NTN1: variants seen among roughly 807,000 people sequenced by gnomAD.
The protein encoded by NTN1 is netrin-1.
In NTN1, 11 loss-of-function variants were observed where a neutral mutation model predicts 54.2. That is an observed-to-expected ratio of 0.20 (90% CI 0.13 to 0.34). The LOEUF (loss-of-function observed/expected upper bound fraction) is 0.34, where lower values mean the gene tolerates loss of function less well. Among genes scored for constraint, NTN1 ranks in the 10% least tolerant of loss-of-function variants. The probability of loss-of-function intolerance (pLI) is 1.00; values close to 1 mark genes in which losing one functional copy is unlikely to be tolerated. For missense variants in NTN1, 740 were observed against 893.1 expected (o/e 0.83, Z 2.18); for synonymous variants, 371 against 382.0 (o/e 0.97, Z 0.33).
rs535291004 is a variant in NTN1, at chr17:9,224,644, T to C, written c.1486+3402T>C. ...CTTGAGTTTTTCCTTCCCATCACAATTCCTCCAGAGAGCTGCGGGCCAGCC... is the reference window on the plus strand; with the variant it reads ...CTTGAGTTTTTCCTTCCCATCACAACTCCTCCAGAGAGCTGCGGGCCAGCC... On this transcript the variant is annotated intron_variant, in intron 6 of 6. Coordinates refer to ENST00000173229, the MANE Select transcript of NTN1 (RefSeq NM_004822.3). 9.1e-3 allele frequency among the ~76,000 whole-genome samples: 1,393 copies of C among 152,270 alleles called. 18 individuals carry two copies. Among genetic ancestry groups the C allele is most frequent in the African/African-American group, 0.032 (1,311 of 41,558 alleles).
chr17:9,160,234 G>A (rs1376800162), intron 2 of NTN1, among the ~76,000 whole-genome samples: 2 of 152,166 alleles, frequency 1.3e-5, no homozygotes, highest in Non-Finnish European at 2.9e-5. Flanking sequence ...CTTCCGAGTT[G>A]TTGGGATTAC....
At chr17:9,132,572 A>G (rs1597499901) in intron 2 of NTN1, among the ~76,000 whole-genome samples, 1 of 152,298 alleles carries the variant, frequency 6.6e-6, no homozygotes, top group Middle Eastern at 3.4e-3. Flanking sequence ...ATAAATCAGC[A>G]AGGAAAAGAA....
intron 2 of NTN1, among the ~76,000 whole-genome samples, chr17:9,029,380 G>A (rs966153379): frequency 1.3e-5 from 2 of 152,194 alleles, no homozygotes; most frequent in African/African-American, 4.8e-5. Context: ...TGCAGGGCAC[G>A]TCTCGGCTTA....
intron 3 of NTN1, among the ~76,000 whole-genome samples, chr17:9,169,858 C>G (rs910967277): frequency 1.3e-5 from 2 of 152,156 alleles, no homozygotes; most frequent in African/African-American, 4.8e-5. Context: ...GGGCGAGACT[C>G]CGTCTCAAAG....
At chr17:9,017,157 TA>T (rs2151504527), upstream of NTN1, among the ~76,000 whole-genome samples, 1 of 152,092 alleles carries the variant, frequency 6.6e-6, no homozygotes, top group South Asian at 2.1e-4. Context: ...CAAATAGCCT[TA>T]TCTTACAAAC....
intron 2 of NTN1, among the ~76,000 whole-genome samples, chr17:9,063,238 A>C (rs1325205843): frequency 6.6e-6 from 1 of 151,948 alleles, no homozygotes; most frequent in Non-Finnish European, 1.5e-5. Context: ...CTGGGATTAC[A>C]GGTACTGGCC....
At chr17:9,208,091 G>A (rs1166661315) in intron 5 of NTN1, among the ~76,000 whole-genome samples, 5 of 152,146 alleles carry the variant, frequency 3.3e-5, no homozygotes, top group Non-Finnish European at 7.3e-5. Flanking sequence ...AATTAGCCAG[G>A]CGTAGTGGTG....
At chr17:9,099,014 A>C (rs1324318976) in intron 2 of NTN1, among the ~76,000 whole-genome samples, 1 of 152,202 alleles carries the variant, frequency 6.6e-6, no homozygotes, top group Non-Finnish European at 1.5e-5. Context: ...AATGAAATGG[A>C]AGTATGCTTT....
intron 2 of NTN1, among the ~76,000 whole-genome samples, chr17:9,026,207 G>T (rs573156273): frequency 3.9e-5 from 6 of 151,968 alleles, no homozygotes; most frequent in Admixed American, 2.0e-4. Flanking sequence ...ATTATCATTT[G>T]ACTGAACAGT....
At chr17:9,225,306 C>A (rs1026746485) in intron 6 of NTN1, among the ~76,000 whole-genome samples, 1 of 151,972 alleles carries the variant, frequency 6.6e-6, no homozygotes, top group Non-Finnish European at 1.5e-5. Context: ...CTCAGCTCAG[C>A]CTGTGTGTTC....
chr17:9,236,942 G>A (rs893735663), intron 6 of NTN1, among the ~76,000 whole-genome samples: 1 of 152,154 alleles, frequency 6.6e-6, no homozygotes, highest in East Asian at 1.9e-4. Context: ...ACCCCAGGGA[G>A]TGAGAAGGCC....
rs1251769807 is a variant in NTN1, at chr17:9,211,915, C to T, written c.1412-9253C>T. On this transcript the variant is annotated intron_variant, in intron 5 of 6. Transcript: ENST00000173229. This position sits in a 1 kb window ranked among gnomAD's most constrained non-coding sequence, Gnocchi z 4.4. ...AAGAGTTCTTTATATGTGAAAGACACCAGTCCTTGGCTTCCTGTGTTACAA... is the reference window on the plus strand; with the variant it reads ...AAGAGTTCTTTATATGTGAAAGACATCAGTCCTTGGCTTCCTGTGTTACAA... Among the ~76,000 whole-genome samples, 1 of 152,176 alleles carries T rather than the reference C, an allele frequency of 6.6e-6. No individual in the cohort carries two copies. Among genetic ancestry groups the T allele is most frequent in the Non-Finnish European group, 1.5e-5 (1 of 68,030 alleles).
intron 2 of NTN1, among the ~76,000 whole-genome samples, chr17:9,088,939 C>G (rs1478434861): frequency 6.6e-6 from 1 of 152,132 alleles, no homozygotes; most frequent in Non-Finnish European, 1.5e-5. Context: ...ACTATTTAAA[C>G]GGTTGGGTTT....
At chr17:9,071,261 G>A (rs1454231611) in intron 2 of NTN1, among the ~76,000 whole-genome samples, 1 of 148,696 alleles carries the variant, frequency 6.7e-6, no homozygotes, top group African/African-American at 2.4e-5. Flanking sequence ...GATAACCTCA[G>A]ACAGAGTGAT....
intron 2 of NTN1, among the ~76,000 whole-genome samples, chr17:9,059,864 A>G (rs1210689656): frequency 6.7e-6 from 1 of 149,608 alleles, no homozygotes; most frequent in East Asian, 1.9e-4. Flanking sequence ...TGCAGATGGG[A>G]AGACTCAAGA....
intron 6 of NTN1, among the ~76,000 whole-genome samples, chr17:9,235,256 T>G (rs560877456): frequency 6.6e-6 from 1 of 152,188 alleles, no homozygotes; most frequent in South Asian, 2.1e-4. Flanking sequence ...TAAGTCACCG[T>G]GCCCAGCCAG....
intron 5 of NTN1, among the ~76,000 whole-genome samples, chr17:9,196,781 G>A (rs1904645481): frequency 6.6e-6 from 1 of 152,184 alleles, no homozygotes; most frequent in African/African-American, 2.4e-5. Context: ...GTGGGATTAA[G>A]GAAAGGAGAA....
chr17:9,047,232 G>A (rs2091944048), intron 2 of NTN1, among the ~76,000 whole-genome samples: 1 of 152,318 alleles, frequency 6.6e-6, no homozygotes, highest in East Asian at 1.9e-4. Context: ...CAGCAGTGCA[G>A]TTTGCCACAT....
intron 2 of NTN1, among the ~76,000 whole-genome samples, chr17:9,078,240 A>G (rs1300312129): frequency 1.3e-5 from 2 of 152,198 alleles, no homozygotes; most frequent in African/African-American, 4.8e-5. Flanking sequence ...GGTAAGTATC[A>G]TAAGCTGTGA....
Sources: gnomAD v4.1 joint callset for allele counts (sites outside exome capture counted in the v4.1 genomes callset) on GRCh38, gnomAD v4.1.1 for gene constraint, Gnocchi (gnomAD v3.1) non-coding constraint, MANE v1.5 for transcripts, NCBI Gene and HGNC (gene_info 2026-07-23, HGNC 2026-07-21) for gene names.